Variants in OSBPL9 observed in about 807,000 individuals in gnomAD.
The protein encoded by OSBPL9 is oxysterol-binding protein-related protein 9.
A neutral mutation model predicts 106.6 loss-of-function variants in OSBPL9; 40 were observed. The ratio of observed to expected loss-of-function variants is 0.38; its 90% confidence interval spans 0.29 to 0.49. OSBPL9 has a LOEUF of 0.49. Ranked by LOEUF, OSBPL9 falls within the 20% of genes least tolerant of loss-of-function variation. OSBPL9 has a pLI of 0.97. For synonymous variants in OSBPL9, 269 were observed against 295.4 expected (o/e 0.91, Z 0.92); for missense variants, 609 against 887.2 (o/e 0.69, Z 3.98).
intron 8 of OSBPL9, among the ~76,000 whole-genome samples, chr1:51,753,867 A>G (rs180755799): frequency 6.6e-6 from 1 of 152,236 alleles, no homozygotes; most frequent in East Asian, 1.9e-4. Flanking sequence ...TCCCATCCCT[A>G]GACATTGTGT....
intron 18 of OSBPL9, 45 bp from the exon 19 acceptor site, chr1:51,784,219 C>T (rs1387316492): frequency 1.3e-6 from 2 of 1,582,096 alleles, no homozygotes; most frequent in Non-Finnish European, 1.7e-6. Flanking sequence ...AGCCTTGTGG[C>T]CACTTGGCAC....
Position 51,787,346 on chromosome 1 carries a change from G to GT in OSBPL9, c.2001-3dup. ...CATTGGCAGCTCCTCTTACCTCTTT[G>GT]TTTTAGCCTTTGGAAGGATGTCACT... is the stretch of plus-strand genomic sequence containing the variant. On this transcript the variant is annotated splice_polypyrimidine_tract_variant and splice_region_variant and intron_variant, in intron 22 of 23. Transcript: ENST00000428468. 6.2e-7 allele frequency: 1 copy of GT among 1,613,516 alleles called. No homozygotes were observed. The highest frequency in any genetic ancestry group is 8.5e-7 in the Non-Finnish European group (1 of 1,179,562).
intron 2 of OSBPL9, among the ~76,000 whole-genome samples, chr1:51,610,280 G>C (rs1313058946): frequency 6.6e-6 from 1 of 151,778 alleles, no homozygotes; most frequent in Non-Finnish European, 1.5e-5. Context: ...TGTTGTTGTT[G>C]AGATGGAGTC....
intron 1 of OSBPL9, among the ~76,000 whole-genome samples, chr1:51,627,357 G>A (rs1416153773): frequency 6.6e-6 from 1 of 151,970 alleles, no homozygotes; most frequent in Non-Finnish European, 1.5e-5. Flanking sequence ...TTTTGCATGT[G>A]GATATCCAGT....
chr1:51,599,616 A>G (rs371688596), intron 2 of OSBPL9, among the ~76,000 whole-genome samples: 19 of 152,318 alleles, frequency 1.2e-4, no homozygotes, highest in African/African-American at 4.3e-4. Flanking sequence ...TATCTGTTTT[A>G]ATCTTTTGAT....
At position 51,746,459 on chromosome 1, in the gene OSBPL9, A is replaced by G. The variant is rs747179672; in HGVS notation, c.415-251A>G. ...TTGAATTCATAGTTTAATTTTTTAA[A>G]AGTCATCTGTTTTCTTTTGCTTATA... On this transcript the variant is annotated intron_variant, in intron 5 of 23. Transcript: ENST00000428468. Among the ~76,000 whole-genome samples, 7 of 152,236 alleles carry G rather than the reference A, an allele frequency of 4.6e-5. No homozygotes were observed. Among genetic ancestry groups the G allele is most frequent in the Non-Finnish European group, 8.8e-5 (6 of 68,042 alleles).
chr1:51,581,384 A>T (rs1645220727), intron 1 of OSBPL9, among the ~76,000 whole-genome samples: 1 of 152,222 alleles, frequency 6.6e-6, no homozygotes, highest in African/African-American at 2.4e-5. Flanking sequence ...TGTTAACACC[A>T]ATCACCTGAC....
At chr1:51,548,362 G>T in the OSBPL9 span, among the ~76,000 whole-genome samples, 1,007 of 151,950 alleles carry the variant, frequency 6.6e-3, 5 homozygotes, top group Non-Finnish European at 0.011. Context: ...GCCTCCTAAA[G>T]TGCTGAGATT....
upstream of OSBPL9, among the ~76,000 whole-genome samples, chr1:51,573,339 T>C (rs540417253): frequency 2.0e-5 from 3 of 149,912 alleles, no homozygotes; most frequent in South Asian, 6.4e-4. Context: ...TGAAACTCTG[T>C]CTCTACTAAA....
Position 51,703,961 on chromosome 1 carries a change from C to G in OSBPL9, c.242-10042C>G, listed in dbSNP as rs549685955. Among the ~76,000 whole-genome samples, 136 of 152,266 alleles carry G rather than the reference C, an allele frequency of 8.9e-4. 1 individual carries two copies. Among genetic ancestry groups the G allele is most frequent in the Non-Finnish European group, 1.7e-3 (115 of 68,024 alleles). On this transcript the variant is annotated intron_variant, in intron 3 of 23. Transcript: ENST00000428468. ...GTTTATTGATTTGCATATGTTGAAC[C>G]AGCCTTGCATCCCAGGGATGAAGCC...
chr1:51,726,235 T>C (rs1165336222), intron 4 of OSBPL9, among the ~76,000 whole-genome samples: 2 of 152,176 alleles, frequency 1.3e-5, no homozygotes, highest in Non-Finnish European at 2.9e-5. Context: ...GTCTCCTAAT[T>C]TGGGAGTCAT....
intron 3 of OSBPL9, among the ~76,000 whole-genome samples, chr1:51,693,656 A>C (rs147654624): frequency 6.6e-6 from 1 of 152,312 alleles, no homozygotes; most frequent in Non-Finnish European, 1.5e-5. Flanking sequence ...AGATTACTTT[A>C]ATCTCAGTCA....
intron 2 of OSBPL9, among the ~76,000 whole-genome samples, chr1:51,601,454 A>T (rs1200462121): frequency 6.6e-6 from 1 of 152,190 alleles, no homozygotes; most frequent in Non-Finnish European, 1.5e-5. Flanking sequence ...CAGTTATCCA[A>T]TCCTGCTCAG....
At chr1:51,607,325 C>G (rs1023853912) in intron 2 of OSBPL9, among the ~76,000 whole-genome samples, 1 of 151,838 alleles carries the variant, frequency 6.6e-6, no homozygotes, top group East Asian at 2.0e-4. Flanking sequence ...CCACACCCAG[C>G]TAATTTTTGT....
At chr1:51,595,315 C>T (rs909603059) in intron 1 of OSBPL9, among the ~76,000 whole-genome samples, 2 of 152,100 alleles carry the variant, frequency 1.3e-5, no homozygotes, top group African/African-American at 2.4e-5. Flanking sequence ...CACTTGATTC[C>T]GTTCGTCATC....
the OSBPL9 span, among the ~76,000 whole-genome samples, chr1:51,518,864 T>C: frequency 6.6e-6 from 1 of 151,082 alleles, no homozygotes; most frequent in African/African-American, 2.4e-5. Flanking sequence ...CCTGGGTAGG[T>C]GAAAGCTGCC....
chr1:51,758,549 C>T (rs1670851065), intron 9 of OSBPL9, among the ~76,000 whole-genome samples: 1 of 152,064 alleles, frequency 6.6e-6, no homozygotes, highest in Non-Finnish European at 1.5e-5. Flanking sequence ...AGTACAAGAG[C>T]TCAGTCCAAA....
chr1:51,689,196 G>A (rs1300725004), intron 3 of OSBPL9, among the ~76,000 whole-genome samples: 1 of 152,122 alleles, frequency 6.6e-6, no homozygotes, highest in African/African-American at 2.4e-5. Flanking sequence ...AATCAGTCAT[G>A]GTAATTTCTT....
chr1:51,544,540 T>C, the OSBPL9 span, among the ~76,000 whole-genome samples: 1 of 152,046 alleles, frequency 6.6e-6, no homozygotes, highest in Non-Finnish European at 1.5e-5. Flanking sequence ...TCGTGTAGGC[T>C]TTTGTTCAAA....
Sources: allele counts gnomAD v4.1 joint callset (sites outside exome capture counted in the v4.1 genomes callset), GRCh38; gene constraint gnomAD v4.1.1; transcripts MANE v1.5; gene names NCBI Gene and HGNC (gene_info 2026-07-23, HGNC 2026-07-21).